The following CXCR1 variants were observed in gnomAD, a reference collection of about 807,000 sequenced individuals.
The protein encoded by CXCR1 is C-X-C motif chemokine receptor 1.
For missense variants in CXCR1, 419 were observed against 440.5 expected (o/e 0.95, Z 0.44); for synonymous variants, 180 against 184.7 (o/e 0.97, Z 0.21).
In CXCR1 at chr2:218,164,816, A is replaced by G. The variant is rs752561492; in HGVS notation, c.396T>C (p.Ser132=). 46 of 1,614,130 alleles carry G rather than the reference A, an allele frequency of 2.8e-5. No homozygotes were observed. Among genetic ancestry groups the G allele is most frequent in the Non-Finnish European group, 3.7e-5 (44 of 1,180,038 alleles). ...YSGILLLACI[S]VDRYLAIVHA... ...GGACAATGGCCAGGTAACGGTCCAC[A>G]CTGATGCAGGCCAACAGCAGGATGC... Residue 132 remains serine, a synonymous_variant, in exon 2 of 2, where the codon AGT becomes AGC. Coordinates refer to ENST00000295683, the MANE Select transcript of CXCR1 (RefSeq NM_000634.3).
chr2:218,165,004 C>T lies in CXCR1; in HGVS notation c.208G>A (p.Gly70Ser), dbSNP rs149163975. 189 of 1,614,236 alleles carry T rather than the reference C, an allele frequency of 1.2e-4. No homozygotes were observed. The highest frequency in any genetic ancestry group is 1.4e-4 in the Non-Finnish European group (167 of 1,180,048). Residue 70 changes from glycine to serine, a missense_variant, in exon 2 of 2, where the codon GGC (glycine) becomes AGC (serine). Physicochemically the swap from Gly to Ser is moderately conservative, Grantham distance 56. Coordinates refer to ENST00000295683, the MANE Select transcript of CXCR1 (RefSeq NM_000634.3). ...VMLVILYSRV[G>S]RSVTDVYLLN... ...AGGTAGACATCAGTGACGGAGCGGCCGACCCTGCTGTATAAGATGACCAGC... is the reference window on the plus strand; with the variant it reads ...AGGTAGACATCAGTGACGGAGCGGCTGACCCTGCTGTATAAGATGACCAGC...
In CXCR1 at chr2:218,165,013, T is replaced by C; in HGVS notation, c.199A>G (p.Ser67Gly). 1 of 1,614,246 alleles carries C rather than the reference T, an allele frequency of 6.2e-7. No homozygotes were observed. The highest frequency in any genetic ancestry group is 1.1e-5 in the South Asian group (1 of 91,088). ...TCAGTGACGGAGCGGCCGACCCTGC[T>C]GTATAAGATGACCAGCATCACCAGG... ...NSLVMLVILY[S>G]RVGRSVTDVY... The change falls in exon 2 of 2, where the codon AGC becomes GGC. Residue 67 changes from serine (S) to glycine (G), a missense_variant. Transcript: ENST00000295683.
At chr2:218,165,622 A>G (rs55984106) in intron 1 of CXCR1, among the ~76,000 whole-genome samples, 6 of 152,240 alleles carry the variant, frequency 3.9e-5, no homozygotes, top group Non-Finnish European at 4.4e-5. Flanking sequence ...CATTCAGGGA[A>G]GGGCCAGCAT....
In CXCR1 at chr2:218,165,043, T is replaced by C. The variant is rs779225479; in HGVS notation, c.169A>G (p.Asn57Asp). 1.2e-6 allele frequency: 2 copies of C among 1,614,194 alleles called. No individual in the cohort carries two copies. The highest frequency in any genetic ancestry group is 3.3e-5 in the Admixed American group (2 of 60,022). The change falls in exon 2 of 2, where the codon AAC becomes GAC. Residue 57 changes from asparagine (N) to aspartate (D), a missense_variant. Asn to Asp is a conservative substitution (Grantham distance 23). Transcript: ENST00000295683. Reference sequence around the variant, plus strand: ...AAGATGACCAGCATCACCAGGGAGTTTCCCAGCAGGCTCAGCAGGAACACT... The same window carrying C: ...AAGATGACCAGCATCACCAGGGAGTCTCCCAGCAGGCTCAGCAGGAACACT... ...ALVFLLSLLG[N>D]SLVMLVILYS... is the part of the protein sequence containing the mutation.
Position 218,164,973 on chromosome 2 carries a change from T to C in CXCR1, c.239A>G (p.Asn80Ser). Residue 80 changes from asparagine (N) to serine (S), a missense_variant, in exon 2 of 2, where the codon AAC (asparagine) becomes AGC (serine). Coordinates refer to ENST00000295683, the MANE Select transcript of CXCR1 (RefSeq NM_000634.3). ...AAAGAGTAGGTCGGCCAAGGCCAGG[T>C]TCAGCAGGTAGACATCAGTGACGGA... is the stretch of plus-strand genomic sequence containing the variant. ...GRSVTDVYLL[N>S]LALADLLFAL... The C allele has an allele frequency of 6.2e-7, 1 of 1,614,172 alleles. No individual in the cohort carries two copies. Among genetic ancestry groups the C allele is most frequent in the East Asian group, 2.2e-5 (1 of 44,882 alleles).
At position 218,164,274 on chromosome 2, in the gene CXCR1, C is replaced by A. The variant is rs61752206; in HGVS notation, c.938G>T (p.Arg313Leu). 4 of 1,612,132 alleles carry A rather than the reference C, an allele frequency of 2.5e-6. No homozygotes were observed. Among genetic ancestry groups the A allele is most frequent in the Non-Finnish European group, 3.4e-6 (4 of 1,178,338 alleles). The part of the protein sequence containing the change: ...IIYAFIGQNF[R>L]HGFLKILAMH... The stretch of plus-strand genomic sequence containing the variant: ...AGCCAGGATCTTGAGGAATCCATGG[C>A]GAAAATTTTGGCCGATGAAGGCGTA... Residue 313 changes from arginine (R) to leucine (L), a missense_variant, in exon 2 of 2, where the codon CGC becomes CTC. By Grantham distance (102) the Arg-to-Leu change is moderately radical (BLOSUM62 -2). Transcript: ENST00000295683.
Position 218,165,079 on chromosome 2 carries a change from C to CGAG in CXCR1, c.132_133insCTC (p.Ile44_Ala45insLeu), listed in dbSNP as rs748986282. 8.1e-6 allele frequency: 13 copies of CGAG among 1,614,174 alleles called. No homozygotes were observed. In the East Asian group the frequency reaches 2.5e-4, roughly 30 times the overall value. ...CTCAGCAGGAACACTAGGGCATAGG[C>CGAG]GATGATCACAACATACTTGTTGAGT... On this transcript the variant is annotated inframe_insertion, in exon 2 of 2. Coordinates refer to ENST00000295683, the MANE Select transcript of CXCR1 (RefSeq NM_000634.3).
rs1691263620 is a variant in CXCR1, at chr2:218,165,233, G to C, written c.-22C>G. ...ACATGTCCTCTTCAGTTTCAGCAAT[G>C]GTTTGATCTAACTGGAAGGTTAGAA... On this transcript the variant is annotated 5_prime_UTR_variant, in exon 2 of 2. Coordinates refer to ENST00000295683, the MANE Select transcript of CXCR1 (RefSeq NM_000634.3). 1.2e-6 allele frequency: 2 copies of C among 1,607,340 alleles called. No homozygotes were observed. The highest frequency in any genetic ancestry group is 2.2e-5 in the East Asian group (1 of 44,862).
At position 218,164,729 on chromosome 2, in the gene CXCR1, C is replaced by T. The variant is rs150078122; in HGVS notation, c.483G>A (p.Trp161Ter). Residue 161 changes from tryptophan (W) to a stop codon, truncating the protein, a stop_gained, in exon 2 of 2, where the codon TGG becomes TGA. Coordinates refer to ENST00000295683, the MANE Select transcript of CXCR1 (RefSeq NM_000634.3). LOFTEE classifies it low-confidence loss of function (END_TRUNC). ...GCAGGGACAGATTCATAGACAGTCC[C>T]CAGCAGCCAAGACAAACAAACTTGA... is the stretch of plus-strand genomic sequence containing the variant. ...HLVKFVCLGC[W>*]GLSMNLSLPF... 3.1e-6 allele frequency: 5 copies of T among 1,614,206 alleles called. No homozygotes were observed. In the African/African-American group the frequency reaches 6.7e-5, roughly 22 times the overall value.
Position 218,165,494 on chromosome 2 carries a change from C to T in CXCR1, c.-33-250G>A, listed in dbSNP as rs561299723. 8.3e-4 allele frequency among the ~76,000 whole-genome samples: 126 copies of T among 152,322 alleles called. 1 individual carries two copies. Among genetic ancestry groups the T allele is most frequent in the Non-Finnish European group, 1.2e-4 (8 of 68,024 alleles). Reference sequence around the variant, plus strand: ...GGAATATGGGGAAAACACCTTAGCCCTAGCTCAACCTACAACTGCCTCCTC... The same window carrying T: ...GGAATATGGGGAAAACACCTTAGCCTTAGCTCAACCTACAACTGCCTCCTC... On this transcript the variant is annotated intron_variant, in intron 1 of 1. Transcript: ENST00000295683.
Position 218,164,730 on chromosome 2 carries a change from C to T in CXCR1, c.482G>A (p.Trp161Ter), listed in dbSNP as rs751707686. 4.3e-6 allele frequency: 7 copies of T among 1,614,220 alleles called. No homozygotes were observed. The highest frequency in any genetic ancestry group is 5.9e-6 in the Non-Finnish European group (7 of 1,180,042). ...CAGGGACAGATTCATAGACAGTCCC[C>T]AGCAGCCAAGACAAACAAACTTGAC... is the stretch of plus-strand genomic sequence containing the variant. ...HLVKFVCLGCWGLSMNLSLPF... is the reference protein window; with the variant it reads ...HLVKFVCLGC The change falls in exon 2 of 2, where the codon TGG becomes TAG. Residue 161 changes from tryptophan to a stop codon, truncating the protein, a stop_gained. Transcript: ENST00000295683. LOFTEE classifies it low-confidence loss of function (END_TRUNC).
At chr2:218,165,439 C>G (rs941913925) in intron 1 of CXCR1, among the ~76,000 whole-genome samples, 195 bp from the exon 2 acceptor site, 3 of 152,230 alleles carry the variant, frequency 2.0e-5, no homozygotes, top group South Asian at 2.1e-4. Context: ...TTCCACAACT[C>G]TAAGGCCTGG....
In CXCR1 at chr2:218,164,415, G is replaced by C. The variant is rs752050839; in HGVS notation, c.797C>G (p.Thr266Ser). 17 of 1,614,052 alleles carry C rather than the reference G, an allele frequency of 1.1e-5. 1 individual carries two copies. Among genetic ancestry groups the C allele is most frequent in the South Asian group, 9.9e-5 (9 of 91,068 alleles). ...CTGGATCACCTGGGTCCTCATGAGG[G>C]TGTCTGCCAGCAGGACCAGGTTGTA... ...LPYNLVLLAD[T>S]LMRTQVIQES... Residue 266 changes from threonine (T) to serine (S), a missense_variant, in exon 2 of 2, where the codon ACC (threonine) becomes AGC (serine). Coordinates refer to ENST00000295683, the MANE Select transcript of CXCR1 (RefSeq NM_000634.3).
At chr2:218,165,924 A>G (rs1383153804) in intron 1 of CXCR1, among the ~76,000 whole-genome samples, 1 of 152,182 alleles carries the variant, frequency 6.6e-6, no homozygotes, top group East Asian at 1.9e-4. Flanking sequence ...GTTTTCAAAT[A>G]TATTTCCTAT....
rs747291285 is a variant in CXCR1 at position 218,164,130 on chromosome 2, G to A, written c.*29C>T. 2 of 1,611,072 alleles carry A rather than the reference G, an allele frequency of 1.2e-6. No homozygotes were observed. The highest frequency in any genetic ancestry group is 1.7e-6 in the Non-Finnish European group (2 of 1,178,968). On this transcript the variant is annotated 3_prime_UTR_variant, in exon 2 of 2. Coordinates refer to ENST00000295683, the MANE Select transcript of CXCR1 (RefSeq NM_000634.3). ...AGGGTGTTGGTTATTCTTTCCTTCT[G>A]AGAAGAGATATTCCTTCATCGATGG...
Position 218,164,688 on chromosome 2 carries a change from C to T in CXCR1, c.524G>A (p.Arg175His), listed in dbSNP as rs747632538. The part of the protein sequence containing the change: ...MNLSLPFFLF[R>H]QAYHPNNSSP... ...GGAATTGTTTGGATGGTAAGCCTGG[C>T]GGAAAAGGAAGAAGGGCAGGGACAG... The change falls in exon 2 of 2, where the codon CGC (arginine) becomes CAC (histidine). Residue 175 changes from arginine to histidine, a missense_variant. Physicochemically the swap from Arg to His is conservative, Grantham distance 29. Coordinates refer to ENST00000295683, the MANE Select transcript of CXCR1 (RefSeq NM_000634.3). 9 of 1,614,000 alleles carry T rather than the reference C, an allele frequency of 5.6e-6. No individual in the cohort carries two copies. Among genetic ancestry groups the T allele is most frequent in the Admixed American group, 5.0e-5 (3 of 60,002 alleles).
In CXCR1 at chr2:218,163,767, G is replaced by A; in HGVS notation, c.*392C>T. 1 of 271,202 alleles carries A rather than the reference G, an allele frequency of 3.7e-6. No homozygotes were observed. Among genetic ancestry groups the A allele is most frequent in the East Asian group, 7.8e-5 (1 of 12,846 alleles). 16.8% of individuals were successfully genotyped at this position (271,202 alleles called of 1,614,324 possible). ...GGTGGCTCAACGCTTAACACTCAGA[G>A]TTGAGGAGATGCTCCTGTGAGGGTC... is the stretch of plus-strand genomic sequence containing the variant. On this transcript the variant is annotated 3_prime_UTR_variant, in exon 2 of 2. Transcript: ENST00000295683.
At chr2:218,165,280 G>C in intron 1 of CXCR1, 36 bp from the exon 2 acceptor site, 1 of 1,457,178 alleles carries the variant, frequency 6.9e-7, no homozygotes, top group Non-Finnish European at 9.6e-7. Flanking sequence ...TGATTTAGTA[G>C]CTCGGATTCA....
Position 218,163,168 on chromosome 2 carries a change from A to T in CXCR1, c.*991T>A, listed in dbSNP as rs1691220249. ...AACAGGAGTTTCTGTGCCTCAAGAG[A>T]CTGTTCTAGCAGGAGTTAAAGCCCC... is the stretch of plus-strand genomic sequence containing the variant. On this transcript the variant is annotated 3_prime_UTR_variant, in exon 2 of 2. Coordinates refer to ENST00000295683, the MANE Select transcript of CXCR1 (RefSeq NM_000634.3). 6.6e-6 allele frequency: 1 copy of T among 152,288 alleles called. No individual in the cohort carries two copies. Among genetic ancestry groups the T allele is most frequent in the Non-Finnish European group, 1.5e-5 (1 of 68,056 alleles). 9.4% of individuals were successfully genotyped at this position (152,288 alleles called of 1,614,324 possible).
Sources: gnomAD v4.1 joint callset for allele counts (sites outside exome capture counted in the v4.1 genomes callset) on GRCh38, gnomAD v4.1.1 for gene constraint, MANE v1.5 for transcripts, NCBI Gene and HGNC (gene_info 2026-07-23, HGNC 2026-07-21) for gene names.